ALG12: variants seen among roughly 807,000 people sequenced by gnomAD.
ALG12 encodes the protein ALG12 alpha-1,6-mannosyltransferase.
Under a neutral mutation model 46.0 loss-of-function variants are expected in ALG12, and 36 were observed. The observed-to-expected ratio is 0.78, with a 90% CI of 0.60 to 1.03. The LOEUF (loss-of-function observed/expected upper bound fraction) is 1.03. Among genes scored for constraint, ALG12 ranks in the 50% least tolerant of loss-of-function variants. The pLI, the probability that ALG12 is intolerant of heterozygous loss-of-function variation, is 0.00. For missense variants in ALG12, 599 were observed against 633.5 expected (o/e 0.95, Z 0.58); for synonymous variants, 326 against 291.6 (o/e 1.12, Z -1.20).
At chr22:49,884,519 G>A in the ALG12 span, 94 of 1,614,178 alleles carry the variant, frequency 5.8e-5, no homozygotes, top group Non-Finnish European at 7.9e-5. Context: ...GGGTCCAGGA[G>A]AAGGTCCGCT....
intron 3 of ALG12, among the ~76,000 whole-genome samples, chr22:49,912,151 TCAC>T (rs1350942948): frequency 6.6e-6 from 1 of 151,652 alleles, no homozygotes. Flanking sequence ...GGCCCCGGGA[TCAC>T]CCTCGGCCCC....
At chr22:49,864,653 C>CA in the ALG12 span, among the ~76,000 whole-genome samples, 1 of 151,892 alleles carries the variant, frequency 6.6e-6, no homozygotes, top group Non-Finnish European at 1.5e-5. Context: ...CCCCTCTCTA[C>CA]AAAAAATGTT....
the ALG12 span, among the ~76,000 whole-genome samples, chr22:49,880,182 G>A: frequency 5.3e-5 from 8 of 152,094 alleles, no homozygotes; most frequent in African/African-American, 1.9e-4. Flanking sequence ...AAGAGCGGCC[G>A]TTGTTGTGAA....
chr22:49,903,186 A>T lies in ALG12; in HGVS notation c.*652T>A. On this transcript the variant is annotated 3_prime_UTR_variant, in exon 10 of 10. Transcript: ENST00000330817. ...AAGCTATCACATAGGAAACATTTTT[A>T]AAATTTCATTCTCATTATTTTCTGT... The T allele has an allele frequency of 2.7e-6, 1 of 373,552 alleles. No individual in the cohort carries two copies. The highest frequency in any genetic ancestry group is 5.3e-6 in the Non-Finnish European group (1 of 190,252). The allele number at this position is 373,552 out of a possible 1,614,324, so 23.1% of individuals were successfully genotyped here. A position where few individuals can be genotyped will look rare whatever the true frequency, so the allele number is the denominator to read the frequency against.
chr22:49,885,167 A>G, the ALG12 span: 1 of 1,613,682 alleles, frequency 6.2e-7, no homozygotes, highest in Admixed American at 1.7e-5. Flanking sequence ...AGACATCTCT[A>G]CCGGCGCCAT....
the ALG12 span, chr22:49,884,184 C>T: frequency 6.2e-6 from 10 of 1,611,070 alleles, no homozygotes; most frequent in African/African-American, 1.3e-5. Flanking sequence ...AGGAAAATGG[C>T]AGTGTGTCTG....
chr22:49,883,136 C>CT, the ALG12 span, among the ~76,000 whole-genome samples: 1 of 152,028 alleles, frequency 6.6e-6, no homozygotes, highest in East Asian at 1.9e-4. Flanking sequence ...TTTCATGTCT[C>CT]TATTTTTTGC....
intron 1 of ALG12, among the ~76,000 whole-genome samples, chr22:49,917,685 A>T (rs1377744362): frequency 2.0e-5 from 3 of 149,762 alleles, no homozygotes; most frequent in Non-Finnish European, 4.4e-5. Context: ...CAGAAAAGAA[A>T]CTGGTCAAAT....
At chr22:49,864,402 A>G in the ALG12 span, among the ~76,000 whole-genome samples, 1 of 152,252 alleles carries the variant, frequency 6.6e-6, no homozygotes, top group African/African-American at 2.4e-5. Context: ...AAGTCTTCCC[A>G]TTCTGTGTAG....
At chr22:49,864,707 G>T in the ALG12 span, among the ~76,000 whole-genome samples, 31 of 150,014 alleles carry the variant, frequency 2.1e-4, no homozygotes, top group Non-Finnish European at 4.3e-4. Context: ...TGTAGTTCCA[G>T]CTACTCAGGA....
Position 49,904,515 on chromosome 22 carries a change from A to T in ALG12, c.993-9T>A, listed in dbSNP as rs2060532767. The T allele has an allele frequency of 6.2e-7, 1 of 1,614,206 alleles. No homozygotes were observed. The highest frequency in any genetic ancestry group is 8.5e-7 in the Non-Finnish European group (1 of 1,180,028). ...TTTTATAGTTATTCAGCCTGAAAAA[A>T]GAATGGTTACACATCATAGGCAGAA... On this transcript the variant is annotated splice_polypyrimidine_tract_variant and intron_variant, in intron 7 of 9. Coordinates refer to ENST00000330817, the MANE Select transcript of ALG12 (RefSeq NM_024105.4).
chr22:49,884,397 C>T, the ALG12 span: 36 of 1,612,630 alleles, frequency 2.2e-5, no homozygotes, highest in East Asian at 2.0e-4. Flanking sequence ...CGGAGAAGTG[C>T]GGCAGAGAAG....
chr22:49,911,256 C>T (rs890602683), intron 3 of ALG12, among the ~76,000 whole-genome samples: 11 of 152,200 alleles, frequency 7.2e-5, no homozygotes, highest in African/African-American at 2.7e-4. Context: ...AGAGGAACTT[C>T]GAAGCCATGT....
chr22:49,909,173 G>A (rs960069555), intron 6 of ALG12, 71 bp downstream of exon 6: 1 of 1,467,354 alleles, frequency 6.8e-7, no homozygotes, highest in South Asian at 1.1e-5. Flanking sequence ...TGCTTCCACT[G>A]CCCATGGAGG....
chr22:49,883,760 C>A, the ALG12 span: 2 of 1,612,900 alleles, frequency 1.2e-6, no homozygotes, highest in East Asian at 4.5e-5. Flanking sequence ...GATGGAATTC[C>A]TCCTGATAGT....
rs962664249 is a variant in ALG12, at chr22:49,907,582, G to A, written c.992+139C>T. The A allele has an allele frequency of 5.1e-6, 5 of 976,702 alleles. No individual in the cohort carries two copies. In the African/African-American group the frequency reaches 8.0e-5, roughly 16 times the overall value. The allele number at this position is 976,702 out of a possible 1,614,324, so 60.5% of individuals were successfully genotyped here. ...AACCCCCTAGGAGTTGAGGGGTGCA[G>A]TAAGCCCCACTCCAGCTGGGCGACA... On this transcript the variant is annotated intron_variant, in intron 7 of 9. Coordinates refer to ENST00000330817, the MANE Select transcript of ALG12 (RefSeq NM_024105.4).
chr22:49,889,761 A>T, the ALG12 span: 1 of 167,344 alleles, frequency 6.0e-6, no homozygotes, highest in African/African-American at 2.4e-5. Flanking sequence ...GCTGACAGTC[A>T]CACGACTCTC....
At chr22:49,893,878 T>C in the ALG12 span, among the ~76,000 whole-genome samples, 1 of 152,158 alleles carries the variant, frequency 6.6e-6, no homozygotes, top group Non-Finnish European at 1.5e-5. Flanking sequence ...TCAAGTAGAT[T>C]CTGGGCCAGG....
At chr22:49,910,756 T>A in intron 3 of ALG12, 149 bp from the exon 4 acceptor site, 1 of 940,016 alleles carries the variant, frequency 1.1e-6, no homozygotes, top group Non-Finnish European at 1.7e-6. Context: ...CAAAGCAGCC[T>A]TGAGGGCATC....
Sources: allele counts gnomAD v4.1 joint callset (sites outside exome capture counted in the v4.1 genomes callset), GRCh38; gene constraint gnomAD v4.1.1; transcripts MANE v1.5; gene names NCBI Gene and HGNC (gene_info 2026-07-23, HGNC 2026-07-21).